TAFA1: variants seen among roughly 807,000 people sequenced by gnomAD.
The protein encoded by TAFA1 is chemokine-like protein TAFA-1.
In TAFA1, 4 loss-of-function variants were observed where a neutral mutation model predicts 18.5. The ratio of observed to expected loss-of-function variants is 0.22; its 90% CI spans 0.11 to 0.49. The LOEUF (loss-of-function observed/expected upper bound fraction) is 0.49. Among genes scored for constraint, TAFA1 ranks in the 20% least tolerant of loss-of-function variants. The pLI, the probability that TAFA1 is intolerant of heterozygous loss-of-function variation, is 0.98. For synonymous variants in TAFA1, 56 were observed against 55.2 expected (o/e 1.01, Z -0.06); for missense variants, 147 against 169.0 (o/e 0.87, Z 0.72).
intron 3 of TAFA1, among the ~76,000 whole-genome samples, chr3:68,430,077 A>T (rs1452547162): frequency 1.3e-5 from 2 of 151,950 alleles, no homozygotes; most frequent in Non-Finnish European, 1.5e-5. Context: ...ACAGTCCAGC[A>T]GGAGAGACAG....
intron 2 of TAFA1, among the ~76,000 whole-genome samples, chr3:68,181,034 G>A (rs1449864728): frequency 2.0e-5 from 3 of 152,168 alleles, no homozygotes. Context: ...AAGTACGGAC[G>A]AGAAGGCCAC....
At chr3:68,132,683 A>T (rs888172731) in intron 2 of TAFA1, among the ~76,000 whole-genome samples, 19 of 152,074 alleles carry the variant, frequency 1.2e-4, no homozygotes, top group African/African-American at 4.6e-4. Flanking sequence ...TCTTTTGAGA[A>T]GTGTCTGTTC....
At chr3:68,439,761 T>C (rs887137521) in intron 3 of TAFA1, among the ~76,000 whole-genome samples, 10 of 151,944 alleles carry the variant, frequency 6.6e-5, no homozygotes, top group African/African-American at 2.4e-4. Flanking sequence ...AACACCCTGA[T>C]AGACACACCC....
chr3:68,420,176 C>G (rs1390672727), intron 3 of TAFA1, among the ~76,000 whole-genome samples: 8 of 152,160 alleles, frequency 5.3e-5, no homozygotes, highest in Admixed American at 3.9e-4. Flanking sequence ...AGTGTGTCAA[C>G]CTTTGCCCAG....
chr3:68,193,812 T>C (rs1195454566), intron 2 of TAFA1, among the ~76,000 whole-genome samples: 2 of 151,772 alleles, frequency 1.3e-5, no homozygotes, highest in Non-Finnish European at 2.9e-5. Context: ...GTCAGGTTTC[T>C]GCCGCCCTAA....
At chr3:68,387,080 A>T (rs191037433) in intron 2 of TAFA1, among the ~76,000 whole-genome samples, 2 of 150,188 alleles carry the variant, frequency 1.3e-5, no homozygotes, top group Non-Finnish European at 3.0e-5. Flanking sequence ...TGGTGTCTGC[A>T]TGCAGACACT....
chr3:68,391,526 C>G (rs2070246790), intron 2 of TAFA1, among the ~76,000 whole-genome samples: 1 of 152,140 alleles, frequency 6.6e-6, no homozygotes, highest in Non-Finnish European at 1.5e-5. Context: ...AAAGATAATC[C>G]TCAAGAAGAG....
At chr3:68,450,712 A>G (rs2071555055) in intron 3 of TAFA1, among the ~76,000 whole-genome samples, 2 of 152,242 alleles carry the variant, frequency 1.3e-5, no homozygotes, top group African/African-American at 2.4e-5. Context: ...TTTGAAATGT[A>G]TAGTTGCTCT....
chr3:68,510,050 A>C (rs1313254048), intron 3 of TAFA1, among the ~76,000 whole-genome samples: 3 of 152,070 alleles, frequency 2.0e-5, no homozygotes, highest in Non-Finnish European at 4.4e-5. Flanking sequence ...CATATCCTTA[A>C]TGGTCTGTCC....
intron 2 of TAFA1, among the ~76,000 whole-genome samples, chr3:68,259,809 G>T (rs2067374991): frequency 1.3e-5 from 2 of 151,250 alleles, no homozygotes; most frequent in African/African-American, 4.9e-5. Flanking sequence ...CTTTGCTGAA[G>T]TTGCTTATCA....
intron 2 of TAFA1, among the ~76,000 whole-genome samples, chr3:68,275,114 G>A (rs1183326735): frequency 6.6e-6 from 1 of 152,202 alleles, no homozygotes; most frequent in African/African-American, 2.4e-5. Flanking sequence ...ATATTAATAT[G>A]TATTTGCTGA....
At chr3:68,405,016 A>T (rs4855468) in intron 2 of TAFA1, among the ~76,000 whole-genome samples, 64,519 of 151,918 alleles carry the variant, frequency 0.42, 14,121 homozygotes, top group Non-Finnish European at 0.45. Context: ...AAAAATTCCA[A>T]TGGCATTTTC....
At chr3:68,059,525 C>G (rs371052945) in intron 2 of TAFA1, among the ~76,000 whole-genome samples, 4 of 152,070 alleles carry the variant, frequency 2.6e-5, no homozygotes, top group African/African-American at 7.2e-5. Flanking sequence ...TCTGAGAGAG[C>G]AGAACACAGG....
intron 2 of TAFA1, among the ~76,000 whole-genome samples, chr3:68,076,898 G>A (rs1306257403): frequency 2.0e-5 from 3 of 152,250 alleles, no homozygotes; most frequent in African/African-American, 4.8e-5. Flanking sequence ...CTTCCACAAT[G>A]GTTGAACTAG....
chr3:68,200,447 G>A (rs2066457727), intron 2 of TAFA1, among the ~76,000 whole-genome samples: 1 of 151,600 alleles, frequency 6.6e-6, no homozygotes. Context: ...ATTCACCGGT[G>A]AACCCATTGA....
chr3:68,473,189 A>T (rs796960103), intron 3 of TAFA1, among the ~76,000 whole-genome samples: 8 of 152,280 alleles, frequency 5.3e-5, no homozygotes, highest in African/African-American at 1.7e-4. Flanking sequence ...ACCAGAGAAT[A>T]ATGGCATGTA....
At chr3:68,048,389 A>G (rs2064420530) in intron 2 of TAFA1, among the ~76,000 whole-genome samples, 2 of 152,144 alleles carry the variant, frequency 1.3e-5, no homozygotes, top group Non-Finnish European at 1.5e-5. Context: ...CATACAATGC[A>G]TAATAATCAC....
chr3:68,000,628 A>T (rs1041341392), upstream of TAFA1, among the ~76,000 whole-genome samples: 1 of 152,238 alleles, frequency 6.6e-6, no homozygotes, highest in Admixed American at 6.5e-5. Context: ...CTTTTAAGTA[A>T]CAGGAGTGAC....
At chr3:67,992,729 C>T in the TAFA1 span, among the ~76,000 whole-genome samples, 11 of 152,178 alleles carry the variant, frequency 7.2e-5, no homozygotes, top group African/African-American at 2.4e-4. Flanking sequence ...CATTTAGACT[C>T]TATTCTTATC....
Sources: allele counts gnomAD v4.1 joint callset (sites outside exome capture counted in the v4.1 genomes callset), GRCh38; gene constraint gnomAD v4.1.1; transcripts MANE v1.5; gene names NCBI Gene and HGNC (gene_info 2026-07-23, HGNC 2026-07-21).